PTPRC: variants seen among roughly 807,000 people sequenced by gnomAD.
PTPRC encodes receptor-type tyrosine-protein phosphatase C.
In PTPRC, 44 loss-of-function variants were observed where a neutral mutation model predicts 155.9. The ratio of observed to expected loss-of-function variants is 0.28; its 90% confidence interval spans 0.22 to 0.36. PTPRC has a LOEUF of 0.36. PTPRC is among the 10% of genes least tolerant of loss of function. The pLI is 1.00. For synonymous variants in PTPRC, 525 were observed against 533.1 expected, an observed-to-expected ratio of 0.98 and a Z score of 0.21; for missense variants, 1,401 against 1,564.6, an observed-to-expected ratio of 0.90 and a Z score of 1.76.
At position 198,680,831 on chromosome 1, in the gene PTPRC, G is replaced by A. The variant is rs113974814; in HGVS notation, c.74-11516G>A. 1.5e-3 allele frequency among the ~76,000 whole-genome samples: 228 copies of A among 152,286 alleles called. 2 individuals carry two copies. Among genetic ancestry groups the A allele is most frequent in the African/African-American group, 5.2e-3 (218 of 41,558 alleles). ...GAGAATGATGTGAAATAGATGCTCT[G>A]AATCCTCTATTCCCAGGAGGCAGCA... is the stretch of plus-strand genomic sequence containing the variant. On this transcript the variant is annotated intron_variant, in intron 2 of 32. Transcript: ENST00000442510.
At chr1:198,680,582 T>C (rs1665264791) in intron 2 of PTPRC, among the ~76,000 whole-genome samples, 1 of 151,978 alleles carries the variant, frequency 6.6e-6, no homozygotes, top group Admixed American at 6.6e-5. Flanking sequence ...TAAAATATTT[T>C]AACAGGAAAG....
intron 2 of PTPRC, among the ~76,000 whole-genome samples, chr1:198,655,781 G>T (rs1201600322): frequency 1.3e-5 from 2 of 152,048 alleles, no homozygotes; most frequent in African/African-American, 2.4e-5. Flanking sequence ...TACCCAACCT[G>T]CTCTGACTGT....
chr1:198,734,285 T>A (rs780461156), intron 21 of PTPRC, 43 bp from the exon 22 acceptor site: 1 of 1,609,930 alleles, frequency 6.2e-7, no homozygotes, highest in Non-Finnish European at 8.5e-7. Context: ...ATAGCACTTT[T>A]AAGAAAATTT....
chr1:198,694,093 C>G lies in PTPRC; in HGVS notation c.100+1720C>G, dbSNP rs1449937856. 7 of 1,548,616 alleles carry G rather than the reference C, an allele frequency of 4.5e-6. No individual in the cohort carries two copies. The African/African-American group carries it at 9.6e-5, about 21-fold the overall frequency. ...AAAAGTAGGGAAGCTGACAGTTCAG[C>G]CTTCAGTTGGTGGCCAAAGGCCCGA... On this transcript the variant is annotated intron_variant, in intron 3 of 32. Coordinates refer to ENST00000442510, the MANE Select transcript of PTPRC (RefSeq NM_002838.5).
chr1:198,687,350 T>C (rs887938180), intron 2 of PTPRC, among the ~76,000 whole-genome samples: 1 of 152,190 alleles, frequency 6.6e-6, no homozygotes, highest in Non-Finnish European at 1.5e-5. Flanking sequence ...CTTCTATCTA[T>C]GATTTTGGTA....
chr1:198,698,743 T>C (rs1249945402), intron 4 of PTPRC, among the ~76,000 whole-genome samples: 1 of 151,992 alleles, frequency 6.6e-6, no homozygotes, highest in African/African-American at 2.4e-5. Context: ...TATGTATGTG[T>C]TGTGTGTATA....
At chr1:198,659,120 CT>C (rs1251749930) in intron 2 of PTPRC, among the ~76,000 whole-genome samples, 7 of 152,002 alleles carry the variant, frequency 4.6e-5, no homozygotes, top group Non-Finnish European at 1.0e-4. Context: ...AGAGAATATA[CT>C]TTTTTTAAGG....
chr1:198,703,448 C>A lies in PTPRC; in HGVS notation c.658+76C>A, dbSNP rs759760328. The stretch of plus-strand genomic sequence containing the variant: ...TGTGCTCTCACAAGGGCCTTCCACC[C>A]ACTCTACCTCGGGCTCCTTTCTTTA... On this transcript the variant is annotated intron_variant, in intron 7 of 32. Coordinates refer to ENST00000442510, the MANE Select transcript of PTPRC (RefSeq NM_002838.5). The A allele has an allele frequency of 4.7e-5, 76 of 1,602,788 alleles. No homozygotes were observed. The East Asian group carries it at 1.7e-3, about 36-fold the overall frequency.
At chr1:198,712,076 G>A (rs1251259044) in intron 11 of PTPRC, among the ~76,000 whole-genome samples, 23 of 152,148 alleles carry the variant, frequency 1.5e-4, no homozygotes. Context: ...CCAAAACCTG[G>A]AAACAGCCCA....
rs1655661083 is a variant in PTPRC, at chr1:198,756,341, A to T, written c.*160A>T. On this transcript the variant is annotated 3_prime_UTR_variant, in exon 33 of 33. Coordinates refer to ENST00000442510, the MANE Select transcript of PTPRC (RefSeq NM_002838.5). ...TTACTACTGTGGAAAAATATTTAAG[A>T]TAGTTTTGCCAGAACAGTTTGTACA... 3.0e-6 allele frequency: 3 copies of T among 997,824 alleles called. No homozygotes were observed. The highest frequency in any genetic ancestry group is 4.4e-6 in the Non-Finnish European group (3 of 687,748). The allele number at this position is 997,824 out of a possible 1,614,324, so 61.8% of individuals were successfully genotyped here. A position where few individuals can be genotyped will look rare whatever the true frequency, so the allele number is the denominator to read the frequency against.
intron 31 of PTPRC, 102 bp downstream of exon 31, chr1:198,752,874 C>A: frequency 1.5e-6 from 2 of 1,328,724 alleles, no homozygotes; most frequent in East Asian, 2.4e-5. Context: ...AACACATAAC[C>A]ACAGTAAAAA....
chr1:198,722,788 G>A (rs954856223), intron 15 of PTPRC, among the ~76,000 whole-genome samples: 9 of 151,350 alleles, frequency 5.9e-5, no homozygotes, highest in African/African-American at 1.7e-4. Flanking sequence ...AACATTTTTC[G>A]TGTACTATTT....
At chr1:198,740,669 G>C (rs1356667883) in intron 23 of PTPRC, among the ~76,000 whole-genome samples, 1 of 151,766 alleles carries the variant, frequency 6.6e-6, no homozygotes, top group African/African-American at 2.4e-5. Context: ...GATGAAAAAA[G>C]AGACATTGCC....
Position 198,681,683 on chromosome 1 carries a change from A to G in PTPRC, c.74-10664A>G, listed in dbSNP as rs184020322. 1.2e-3 allele frequency among the ~76,000 whole-genome samples: 187 copies of G among 152,312 alleles called. 1 individual carries two copies. The highest frequency in any genetic ancestry group is 4.0e-4 in the Non-Finnish European group (27 of 68,018). On this transcript the variant is annotated intron_variant, in intron 2 of 32. Coordinates refer to ENST00000442510, the MANE Select transcript of PTPRC (RefSeq NM_002838.5). Reference sequence around the variant, plus strand: ...ATAAAGCTTAGTTGCTGGCCAAATCAATGGTGACTTTTTATGTTTTTAAAT... The same window carrying G: ...ATAAAGCTTAGTTGCTGGCCAAATCGATGGTGACTTTTTATGTTTTTAAAT...
intron 2 of PTPRC, chr1:198,660,553 G>A (rs1192952023): frequency 2.0e-5 from 3 of 151,690 alleles, no homozygotes; most frequent in Admixed American, 2.0e-4. Context: ...AGGACAACAG[G>A]TAGAGGTTAT....
chr1:198,722,336 C>T, intron 14 of PTPRC, 80 bp from the exon 15 acceptor site: 1 of 659,934 alleles, frequency 1.5e-6, no homozygotes. Context: ...AAATGTTTTA[C>T]ATTGTGATAT....
In PTPRC at chr1:198,752,288, T is replaced by C; in HGVS notation, c.3247T>C (p.Tyr1083His). Reference sequence around the variant, plus strand: ...GTACTGGGGAGAAGGAAAGCAAACATATGGAGATATTGAAGTTGACCTGAA... The same window carrying C: ...GTACTGGGGAGAAGGAAAGCAAACACATGGAGATATTGAAGTTGACCTGAA... ...AQYWGEGKQT[Y>H]GDIEVDLKDT... The change falls in exon 30 of 33, where the codon TAT (tyrosine) becomes CAT (histidine). Residue 1083 changes from tyrosine (Y) to histidine (H), a missense_variant. By Grantham distance (83) the Tyr-to-His change is moderately conservative. Coordinates refer to ENST00000442510, the MANE Select transcript of PTPRC (RefSeq NM_002838.5). 6.2e-7 allele frequency: 1 copy of C among 1,611,710 alleles called. No homozygotes were observed. Among genetic ancestry groups the C allele is most frequent in the Non-Finnish European group, 8.5e-7 (1 of 1,178,312 alleles).
At chr1:198,709,935 T>A in intron 11 of PTPRC, 111 bp downstream of exon 11, 1 of 1,410,336 alleles carries the variant, frequency 7.1e-7, no homozygotes. Flanking sequence ...TGATACTTTT[T>A]AAGCATATGC....
chr1:198,647,385 GCTTAA>G (rs931736380), intron 2 of PTPRC, among the ~76,000 whole-genome samples: 1 of 151,836 alleles, frequency 6.6e-6, no homozygotes, highest in Non-Finnish European at 1.5e-5. Flanking sequence ...TGGTCTGTCA[GCTTAA>G]CCCAACTCTG....
Sources: allele counts gnomAD v4.1 joint callset (sites outside exome capture counted in the v4.1 genomes callset), GRCh38; gene constraint gnomAD v4.1.1; transcripts MANE v1.5; gene names NCBI Gene and HGNC (gene_info 2026-07-23, HGNC 2026-07-21).